PHIP: variants seen among roughly 807,000 people sequenced by gnomAD.
PHIP encodes the protein PH-interacting protein.
A neutral mutation model predicts 236.8 loss-of-function variants in PHIP; 54 were observed. That is an observed-to-expected ratio of 0.23 (90% CI 0.18 to 0.29). PHIP has a LOEUF of 0.29. PHIP is among the 10% of genes least tolerant of loss of function. The pLI is 1.00. For synonymous variants in PHIP, 756 were observed against 718.9 expected (o/e 1.05, Z -0.83); for missense variants, 1,370 against 2,190.8 (o/e 0.63, Z 7.48).
intron 7 of PHIP, among the ~76,000 whole-genome samples, chr6:79,029,331 G>C (rs1474367688): frequency 1.3e-5 from 2 of 151,966 alleles, no homozygotes; most frequent in South Asian, 2.1e-4. Flanking sequence ...ATATATCATC[G>C]CTTGTGATAA....
At chr6:78,978,932 C>T (rs895460617) in intron 23 of PHIP, among the ~76,000 whole-genome samples, 1 of 152,228 alleles carries the variant, frequency 6.6e-6, no homozygotes. Flanking sequence ...AAAGTTCCAA[C>T]AGGCAAAACT....
intron 20 of PHIP, 53 bp downstream of exon 20, chr6:78,990,815 T>C (rs1484701549): frequency 2.1e-6 from 2 of 938,824 alleles, no homozygotes; most frequent in African/African-American, 3.4e-5. Flanking sequence ...AGCCTTAAAA[T>C]GGTCACTATA....
intron 15 of PHIP, among the ~76,000 whole-genome samples, chr6:79,005,386 A>G (rs1050375660): frequency 6.6e-5 from 10 of 152,134 alleles, no homozygotes; most frequent in African/African-American, 1.4e-4. Context: ...ATGAAAGACT[A>G]TAAGTACAAA....
Position 78,952,428 on chromosome 6 carries a change from G to GA in PHIP, c.4053+2385dup, listed in dbSNP as rs1188992535. ...GTGAGACTCTGTCCCAAAAAAAAAA[G>GA]AAAAAAAAAAAAGAAAAAAAAAAAG... On this transcript the variant is annotated intron_variant, in intron 35 of 39. Coordinates refer to ENST00000275034, the MANE Select transcript of PHIP (RefSeq NM_017934.7). Among the ~76,000 whole-genome samples the GA allele has an allele frequency of 3.2e-3, 186 of 57,620 alleles. 1 individual carries two copies. The South Asian group carries it at 0.044, about 14-fold the overall frequency. 37.8% of individuals were successfully genotyped at this position (57,620 alleles called of 152,430 possible). A position where few individuals can be genotyped will look rare whatever the true frequency, so the allele number is the denominator to read the frequency against.
In PHIP at chr6:78,940,918, A is replaced by C; in HGVS notation, c.5241T>G (p.Asp1747Glu). Residue 1747 changes from aspartate (D) to glutamate (E), a missense_variant, in exon 40 of 40, where the codon GAT becomes GAG. Physicochemically the swap from Asp to Glu is conservative, Grantham distance 45 (BLOSUM62 2). Transcript: ENST00000275034. Reference sequence around the variant, plus strand: ...ACTCTTCTTCCTCATCTATAGGATCATCTATCTTTTTTCGGTTACTTCTCC... The same window carrying C: ...ACTCTTCTTCCTCATCTATAGGATCCTCTATCTTTTTTCGGTTACTTCTCC... ...VLRRSNRKKI[D>E]DPIDEEEEFE... is the part of the protein sequence containing the mutation. The C allele has an allele frequency of 6.2e-7, 1 of 1,613,804 alleles. No homozygotes were observed. Among genetic ancestry groups the C allele is most frequent in the South Asian group, 1.1e-5 (1 of 91,066 alleles).
intron 31 of PHIP, 97 bp downstream of exon 31, chr6:78,961,593 T>C (rs1201321782): frequency 8.5e-7 from 1 of 1,181,294 alleles, no homozygotes; most frequent in Non-Finnish European, 1.2e-6. Flanking sequence ...TGTGCATTCC[T>C]ATATACAAAA....
At chr6:79,041,952 A>G (rs1772239311) in intron 7 of PHIP, among the ~76,000 whole-genome samples, 1 of 152,024 alleles carries the variant, frequency 6.6e-6, no homozygotes, top group African/African-American at 2.4e-5. Flanking sequence ...AAATTTACTA[A>G]AAAGAGGAAT....
chr6:78,996,668 T>C (rs1769637419), intron 19 of PHIP, among the ~76,000 whole-genome samples: 1 of 152,186 alleles, frequency 6.6e-6, no homozygotes. Context: ...ATTCAAAGTA[T>C]GTCCAATCAA....
In PHIP at chr6:78,936,518, G is replaced by A. The variant is rs1156713642; in HGVS notation, c.*4175C>T. ...ATATGCATGTACTATATTCCATCTT[G>A]AACCTATTTTCTTGGCTCCTTGAAT... On this transcript the variant is annotated 3_prime_UTR_variant, in exon 40 of 40. Transcript: ENST00000275034. 4 of 151,748 alleles carry A rather than the reference G, an allele frequency of 2.6e-5. No individual in the cohort carries two copies. Among genetic ancestry groups the A allele is most frequent in the African/African-American group, 9.7e-5 (4 of 41,378 alleles). 9.4% of individuals were successfully genotyped at this position (151,748 alleles called of 1,614,324 possible).
chr6:78,973,932 C>A (rs1767826882), intron 24 of PHIP, among the ~76,000 whole-genome samples: 1 of 151,914 alleles, frequency 6.6e-6, no homozygotes, highest in Non-Finnish European at 1.5e-5. Flanking sequence ...TAATGGGAGA[C>A]TTTAACACCC....
At chr6:79,040,681 T>C (rs572811641) in intron 7 of PHIP, among the ~76,000 whole-genome samples, 2 of 152,134 alleles carry the variant, frequency 1.3e-5, no homozygotes, top group African/African-American at 4.8e-5. Flanking sequence ...GCAATATGAA[T>C]AGTGAACATA....
intron 15 of PHIP, among the ~76,000 whole-genome samples, chr6:79,012,499 C>T (rs905479178): frequency 1.3e-5 from 2 of 151,502 alleles, no homozygotes; most frequent in Non-Finnish European, 3.0e-5. Context: ...TCTAATAGAC[C>T]AAAGCACTAT....
chr6:79,024,858 G>C (rs914588939), intron 9 of PHIP, among the ~76,000 whole-genome samples: 1 of 152,018 alleles, frequency 6.6e-6, no homozygotes, highest in Non-Finnish European at 1.5e-5. Flanking sequence ...AAGCATCAAA[G>C]GGCAGAGAAG....
chr6:78,946,478 CACTA>C lies in PHIP; in HGVS notation c.4371-222_4371-219del, dbSNP rs1021001775. On this transcript the variant is annotated intron_variant, in intron 37 of 39. Coordinates refer to ENST00000275034, the MANE Select transcript of PHIP (RefSeq NM_017934.7). ...TATATGACGGAAAGCATGATGCCAT[CACTA>C]TCCTAAAAATGCTGTTTTACTGTAT... 10 of 1,396,910 alleles carry C rather than the reference CACTA, an allele frequency of 7.2e-6. No homozygotes were observed. In the African/African-American group the frequency reaches 1.5e-4, roughly 20 times the overall value. The allele number at this position is 1,396,910 out of a possible 1,614,324, so 86.5% of individuals were successfully genotyped here.
At chr6:78,946,591 C>A (rs1388540116) in intron 37 of PHIP, 120 bp downstream of exon 37, 4 of 1,418,654 alleles carry the variant, frequency 2.8e-6, no homozygotes, top group Non-Finnish European at 2.7e-6. Context: ...TAGGAACTTG[C>A]ATGTCAAATT....
At chr6:78,986,372 T>C (rs544300718) in intron 21 of PHIP, among the ~76,000 whole-genome samples, 2 of 152,378 alleles carry the variant, frequency 1.3e-5, no homozygotes, top group South Asian at 4.1e-4. Context: ...AAATAAACTT[T>C]ATGCTCCAAT....
rs950000908 is a variant in PHIP, at chr6:79,016,462, A to G, written c.1235+82T>C. The stretch of plus-strand genomic sequence containing the variant: ...TAATTTTAACATGATATATAATTTT[A>G]TAGGCTGAGAGTCACCAACCTGCAC... On this transcript the variant is annotated intron_variant, in intron 13 of 39. Transcript: ENST00000275034. 1.5e-5 allele frequency: 10 copies of G among 661,100 alleles called. No homozygotes were observed. The Admixed American group carries it at 2.7e-4, about 18-fold the overall frequency. The allele number at this position is 661,100 out of a possible 1,614,324, so 41.0% of individuals were successfully genotyped here.
At chr6:79,075,934 A>T (rs978287918) in intron 4 of PHIP, among the ~76,000 whole-genome samples, 3 of 152,214 alleles carry the variant, frequency 2.0e-5, no homozygotes, top group African/African-American at 7.2e-5. Context: ...ACTTCTATCA[A>T]GTATTTGTAA....
rs1255548124 is a variant in PHIP, at chr6:78,972,038, G to A, written c.2890-1150C>T. On this transcript the variant is annotated intron_variant, in intron 24 of 39. Coordinates refer to ENST00000275034, the MANE Select transcript of PHIP (RefSeq NM_017934.7). ...GGTGGAGCCCACCACAGCTCAAGGA[G>A]GCCTGCCTGCCTCTGTAGGCTCCAC... Among the ~76,000 whole-genome samples, 38 of 152,230 alleles carry A rather than the reference G, an allele frequency of 2.5e-4. 1 individual carries two copies. In the South Asian group the frequency reaches 7.5e-3, roughly 30 times the overall value.
Sources: allele counts gnomAD v4.1 joint callset (sites outside exome capture counted in the v4.1 genomes callset), GRCh38; gene constraint gnomAD v4.1.1; transcripts MANE v1.5; gene names NCBI Gene and HGNC (gene_info 2026-07-23, HGNC 2026-07-21).